The following C10orf90 variants were observed in gnomAD, a reference collection of about 807,000 sequenced individuals.
C10orf90 encodes (E2-independent) E3 ubiquitin-conjugating enzyme FATS.
C10orf90 carries 56 observed loss-of-function variants against 62.5 expected under a neutral mutation model. That is an observed-to-expected ratio of 0.90 (90% confidence interval 0.72 to 1.12). The LOEUF (loss-of-function observed/expected upper bound fraction) is 1.12. Among genes scored for constraint, C10orf90 ranks in the 50% most tolerant of loss-of-function variants. The pLI is 0.00. For missense variants in C10orf90, 970 were observed against 880.4 expected, an observed-to-expected ratio of 1.10 and a Z score of -1.29; for synonymous variants, 386 against 340.4, an observed-to-expected ratio of 1.13 and a Z score of -1.47.
chr10:126,631,466 C>T (rs1845848947), intron 2 of C10orf90, among the ~76,000 whole-genome samples: 1 of 152,058 alleles, frequency 6.6e-6, no homozygotes, highest in Admixed American at 6.6e-5. Flanking sequence ...CAGAATGGCC[C>T]TTGGTTTTTG....
chr10:126,509,398 A>T (rs7072094), intron 3 of C10orf90, among the ~76,000 whole-genome samples: 1 of 152,192 alleles, frequency 6.6e-6, no homozygotes, highest in African/African-American at 2.4e-5. Context: ...CCTACAAAGG[A>T]GTAAGAGGTG....
chr10:126,507,524 CA>C (rs1318869183), intron 3 of C10orf90, among the ~76,000 whole-genome samples: 1 of 149,072 alleles, frequency 6.7e-6, no homozygotes, highest in Non-Finnish European at 1.5e-5. Flanking sequence ...AAGGTCAATG[CA>C]GTAGCACTGA....
intron 3 of C10orf90, among the ~76,000 whole-genome samples, chr10:126,512,404 C>CTGTGTGTCTGTGTGTGTGTG (rs1564847188): frequency 4.6e-5 from 1 of 21,586 alleles, no homozygotes; most frequent in Admixed American, 7.1e-4. Flanking sequence ...GTGTGTGTGT[C>CTGTGTGTCTGTGTGTGTGTG]TGTGTGTCTG....
At chr10:126,629,245 C>T (rs779774258) in intron 2 of C10orf90, among the ~76,000 whole-genome samples, 24 of 152,260 alleles carry the variant, frequency 1.6e-4, no homozygotes, top group South Asian at 1.0e-3. Flanking sequence ...ACTTTTATGA[C>T]GACAGCTTCT....
chr10:126,607,417 C>T (rs1361461789), intron 2 of C10orf90, among the ~76,000 whole-genome samples: 2 of 152,184 alleles, frequency 1.3e-5, no homozygotes, highest in Non-Finnish European at 2.9e-5. Context: ...TACTAACAAA[C>T]TATGGTTTCT....
intron 2 of C10orf90, among the ~76,000 whole-genome samples, chr10:126,639,133 TC>T (rs1338252682): frequency 2.6e-5 from 4 of 152,178 alleles, no homozygotes; most frequent in African/African-American, 9.7e-5. Flanking sequence ...CATGACAACT[TC>T]TTGCACACCC....
At chr10:126,493,525 T>C (rs911879393) in intron 4 of C10orf90, among the ~76,000 whole-genome samples, 4 of 152,042 alleles carry the variant, frequency 2.6e-5, no homozygotes, top group Admixed American at 6.6e-5. Context: ...CACGCCTAGT[T>C]TTTGTATTTT....
At chr10:126,550,411 A>T (rs1300292369) in intron 2 of C10orf90, among the ~76,000 whole-genome samples, 1 of 152,194 alleles carries the variant, frequency 6.6e-6, no homozygotes, top group Admixed American at 6.5e-5. Context: ...CTCTGTCTTG[A>T]GTATACCAAT....
chr10:126,522,714 G>A (rs988339703), intron 2 of C10orf90: 1 of 152,230 alleles, frequency 6.6e-6, no homozygotes, highest in Non-Finnish European at 1.5e-5. Context: ...CTCCATTTAA[G>A]TCTCTTACCA....
rs554452414 is a variant in C10orf90, at chr10:126,543,105, T to C, written c.314-29166A>G. Among the ~76,000 whole-genome samples, 6 of 152,348 alleles carry C rather than the reference T, an allele frequency of 3.9e-5. No homozygotes were observed. In the East Asian group the frequency reaches 9.6e-4, roughly 24 times the overall value. Reference sequence around the variant, plus strand: ...CCATAAATTACATATATGTGTTTCGTGTGAACTCCGTACAGCAATACAAAT... The same window carrying C: ...CCATAAATTACATATATGTGTTTCGCGTGAACTCCGTACAGCAATACAAAT... On this transcript the variant is annotated intron_variant, in intron 2 of 9. Coordinates refer to ENST00000488181, the MANE Select transcript of C10orf90 (RefSeq NM_001350921.2).
intron 2 of C10orf90, among the ~76,000 whole-genome samples, chr10:126,583,835 G>A (rs1220459215): frequency 6.6e-6 from 1 of 152,192 alleles, no homozygotes; most frequent in Admixed American, 6.5e-5. Flanking sequence ...CAGTGCTCTT[G>A]CTGGGTGCGG....
chr10:126,553,021 A>G (rs1466725219), intron 2 of C10orf90, among the ~76,000 whole-genome samples: 1 of 152,214 alleles, frequency 6.6e-6, no homozygotes, highest in Non-Finnish European at 1.5e-5. Context: ...TCACTTCCAC[A>G]TAAATAATAG....
Position 126,504,549 on chromosome 10 carries a change from A to T in C10orf90, c.942T>A (p.Cys314Ter). 2 of 1,614,216 alleles carry T rather than the reference A, an allele frequency of 1.2e-6. No individual in the cohort carries two copies. The highest frequency in any genetic ancestry group is 1.7e-6 in the Non-Finnish European group (2 of 1,180,032). ...LKVPEAHTGL[C>*]ERRKYWVTHA... ...GGGTGACCCAGTACTTGCGTCTCTCACACAACCCAGTGTGGGCCTCGGGAA... is the reference window on the plus strand; with the variant it reads ...GGGTGACCCAGTACTTGCGTCTCTCTCACAACCCAGTGTGGGCCTCGGGAA... Residue 314 changes from cysteine to a stop codon, truncating the protein, a stop_gained, in exon 4 of 10, where the codon TGT becomes TGA. Coordinates refer to ENST00000488181, the MANE Select transcript of C10orf90 (RefSeq NM_001350921.2). LOFTEE classifies it high-confidence loss of function. The surrounding 1 kb of genome is among the most constrained non-coding windows in gnomAD (Gnocchi z 4.1).
intron 5 of C10orf90, among the ~76,000 whole-genome samples, chr10:126,463,678 C>T (rs979352990): frequency 1.3e-5 from 2 of 152,196 alleles, no homozygotes; most frequent in East Asian, 1.9e-4. Context: ...GATTTGAAAA[C>T]GTCAAATATA....
chr10:126,599,581 C>A (rs1845156630), intron 2 of C10orf90, among the ~76,000 whole-genome samples: 1 of 151,622 alleles, frequency 6.6e-6, no homozygotes, highest in African/African-American at 2.4e-5. Context: ...CCCCATGCAT[C>A]CTCAGAGATG....
At chr10:126,478,043 G>A (rs567711491) in intron 4 of C10orf90, among the ~76,000 whole-genome samples, 8 of 152,162 alleles carry the variant, frequency 5.3e-5, no homozygotes, top group Non-Finnish European at 7.4e-5. Flanking sequence ...ACATGGCATC[G>A]TTTGAGAAAG....
At chr10:126,646,315 G>A (rs960980754) in intron 2 of C10orf90, among the ~76,000 whole-genome samples, 1 of 152,206 alleles carries the variant, frequency 6.6e-6, no homozygotes, top group African/African-American at 2.4e-5. Context: ...GCTCTGCAGG[G>A]AGCTCAGGTC....
At chr10:126,437,375 T>C (rs772966085) in intron 7 of C10orf90, among the ~76,000 whole-genome samples, 4 of 152,154 alleles carry the variant, frequency 2.6e-5, no homozygotes, top group Admixed American at 2.0e-4. Flanking sequence ...AATACTCAGT[T>C]CCTATACCAG....
At chr10:126,521,330 A>G in intron 2 of C10orf90, 2 of 1,614,134 alleles carry the variant, frequency 1.2e-6, no homozygotes, top group Non-Finnish European at 1.7e-6. Context: ...TATTCTACTG[A>G]GGTTTCAAAG....
Sources: allele counts gnomAD v4.1 joint callset (sites outside exome capture counted in the v4.1 genomes callset), GRCh38; gene constraint gnomAD v4.1.1; non-coding constraint Gnocchi (gnomAD v3.1); transcripts MANE v1.5; gene names NCBI Gene and HGNC (gene_info 2026-07-23, HGNC 2026-07-21).